The following HTRA1 variants were observed in gnomAD, a reference collection of about 807,000 sequenced individuals.
The protein encoded by HTRA1 is serine protease HTRA1.
HTRA1 carries 26 observed loss-of-function variants against 49.7 expected under a neutral mutation model. The observed-to-expected ratio is 0.52, with a 90% CI of 0.38 to 0.73. The LOEUF (loss-of-function observed/expected upper bound fraction) is 0.73, where lower values mean the gene tolerates loss of function less well. Among genes scored for constraint, HTRA1 ranks in the 30% least tolerant of loss-of-function variants. The pLI is 0.00. For missense variants in HTRA1, 561 were observed against 667.2 expected (o/e 0.84, Z 1.75); for synonymous variants, 291 against 286.9 (o/e 1.01, Z -0.14).
chr10:122,468,053 T>C (rs2097484476), intron 1 of HTRA1, among the ~76,000 whole-genome samples: 1 of 152,222 alleles, frequency 6.6e-6, no homozygotes, highest in South Asian at 2.1e-4. Flanking sequence ...CTAAATTCAT[T>C]CAGAGCATTT....
At chr10:122,485,350 T>G (rs1348476377) in intron 1 of HTRA1, among the ~76,000 whole-genome samples, 1 of 152,256 alleles carries the variant, frequency 6.6e-6, no homozygotes, top group African/African-American at 2.4e-5. Context: ...TCATATGGTC[T>G]GTGCTCCCAC....
intron 1 of HTRA1, among the ~76,000 whole-genome samples, chr10:122,481,682 G>A (rs2097491057): frequency 6.6e-6 from 1 of 152,304 alleles, no homozygotes; most frequent in African/African-American, 2.4e-5. Context: ...CGGTTTGGTT[G>A]TGTCCTCACC....
chr10:122,507,407 G>A lies in HTRA1; in HGVS notation c.1005+5G>A, dbSNP rs370433045. On this transcript the variant is annotated splice_donor_5th_base_variant and intron_variant, in intron 5 of 8. Coordinates refer to ENST00000368984, the MANE Select transcript of HTRA1 (RefSeq NM_002775.5). ...GGAGGCCCGTTAGTAAACCTGGTAAGGTCTTTTAAACCTATGTTAGGTCAT... is the reference window on the plus strand; with the variant it reads ...GGAGGCCCGTTAGTAAACCTGGTAAAGTCTTTTAAACCTATGTTAGGTCAT... 3.1e-6 allele frequency: 5 copies of A among 1,603,112 alleles called. No individual in the cohort carries two copies. The highest frequency in any genetic ancestry group is 4.3e-6 in the Non-Finnish European group (5 of 1,169,994).
intron 1 of HTRA1, among the ~76,000 whole-genome samples, chr10:122,485,738 G>A (rs547949489): frequency 6.6e-6 from 1 of 152,264 alleles, no homozygotes; most frequent in East Asian, 1.9e-4. Context: ...TTTTGCCCCT[G>A]GTGTGGGCAA....
chr10:122,510,147 C>T lies in HTRA1; in HGVS notation c.1172C>T (p.Thr391Met), dbSNP rs750990470. ...ATTGGTATCCGAATGATGTCACTCA[C>T]GTCCAGGTGGGTAAACAGGATGCGT... The part of the protein sequence containing the change: ...KYIGIRMMSL[T>M]SSKAKELKDR... Residue 391 changes from threonine (T) to methionine (M), a missense_variant, in exon 7 of 9, where the codon ACG becomes ATG. This residue lies in a region of HTRA1 where 179 missense variants were observed against 173.4 expected (regional missense o/e 1.03). Coordinates refer to ENST00000368984, the MANE Select transcript of HTRA1 (RefSeq NM_002775.5). 4.3e-6 allele frequency: 7 copies of T among 1,613,576 alleles called. No individual in the cohort carries two copies. The highest frequency in any genetic ancestry group is 3.3e-5 in the Admixed American group (2 of 60,034).
chr10:122,474,210 ACCGTCTAG>A (rs1487975522), intron 1 of HTRA1, among the ~76,000 whole-genome samples: 1 of 152,222 alleles, frequency 6.6e-6, no homozygotes, highest in East Asian at 1.9e-4. Flanking sequence ...GATGTCGGAA[ACCGTCTAG>A]CCTACCCCCT....
At chr10:122,472,554 C>G (rs2097486627) in intron 1 of HTRA1, among the ~76,000 whole-genome samples, 1 of 152,050 alleles carries the variant, frequency 6.6e-6, no homozygotes, top group Non-Finnish European at 1.5e-5. Flanking sequence ...CACCACCACA[C>G]CCAGCTACCT....
intron 1 of HTRA1, among the ~76,000 whole-genome samples, chr10:122,467,038 T>C (rs1397771157): frequency 6.6e-6 from 1 of 152,154 alleles, no homozygotes; most frequent in Non-Finnish European, 1.5e-5. Context: ...CTGCATTGAG[T>C]AAGTGATGGT....
In HTRA1 at chr10:122,506,448, GGT is replaced by G. The variant is rs934428390; in HGVS notation, c.778-233_778-232del. On this transcript the variant is annotated intron_variant, in intron 3 of 8. Transcript: ENST00000368984. The surrounding 1 kb of genome is among the most constrained non-coding windows in gnomAD (Gnocchi z 5.2). ...CCAGTTACCTCCCCACGGTTTCCTT[GGT>G]GTGTGTGTGGCTTCAGTGTTCACTG... Among the ~76,000 whole-genome samples, 2 of 152,020 alleles carry G rather than the reference GGT, an allele frequency of 1.3e-5. No individual in the cohort carries two copies. The highest frequency in any genetic ancestry group is 4.8e-5 in the African/African-American group (2 of 41,394).
chr10:122,464,197 G>A lies in HTRA1; in HGVS notation c.472+2073G>A, dbSNP rs1205602721. Among the ~76,000 whole-genome samples, 2 of 152,162 alleles carry A rather than the reference G, an allele frequency of 1.3e-5. No individual in the cohort carries two copies. The highest frequency in any genetic ancestry group is 2.4e-5 in the African/African-American group (1 of 41,438). ...TGGTCTCGCTGTTTGTGGTCTCATCGCACGGGGTCCTGAGTTGCTGGCACC... is the reference window on the plus strand; with the variant it reads ...TGGTCTCGCTGTTTGTGGTCTCATCACACGGGGTCCTGAGTTGCTGGCACC... On this transcript the variant is annotated intron_variant, in intron 1 of 8. Transcript: ENST00000368984. The surrounding 1 kb of genome is among the most constrained non-coding windows in gnomAD (Gnocchi z 4.8).
intron 3 of HTRA1, among the ~76,000 whole-genome samples, chr10:122,496,258 T>TTTTTTTTTTTG (rs1565427230): frequency 1.5e-5 from 2 of 132,576 alleles, no homozygotes; most frequent in African/African-American, 5.5e-5. Context: ...TTTTTTTTTT[T>TTTTTTTTTTTG]TGCAGAGATG....
In HTRA1 at chr10:122,461,932, G is replaced by T; in HGVS notation, c.280G>T (p.Gly94Trp). Residue 94 changes from glycine to tryptophan, a missense_variant, in exon 1 of 9, where the codon GGG (glycine) becomes TGG (tryptophan). Physicochemically the swap from Gly to Trp is radical, Grantham distance 184 (BLOSUM62 -2). Around this residue, in one of 3 missense-constraint regions of HTRA1, gnomAD observed 271 missense variants for 410.0 expected, o/e 0.66. Coordinates refer to ENST00000368984, the MANE Select transcript of HTRA1 (RefSeq NM_002775.5). ...GGGGCTGCAGTGCGTGGTGCCCTTC[G>T]GGGTGCCAGCCTCGGCCACGGTGCG... ...GEGLQCVVPF[G>W]VPASATVRRR... 1 of 1,481,896 alleles carries T rather than the reference G, an allele frequency of 6.7e-7. No homozygotes were observed. The highest frequency in any genetic ancestry group is 2.2e-5 in the Admixed American group (1 of 44,504). 91.8% of individuals were successfully genotyped at this position (1,481,896 alleles called of 1,614,324 possible).
At chr10:122,469,681 A>G (rs996681112) in intron 1 of HTRA1, among the ~76,000 whole-genome samples, 2 of 152,128 alleles carry the variant, frequency 1.3e-5, no homozygotes, top group Admixed American at 6.5e-5. Context: ...GAGGCAGGGC[A>G]TTATCCTTGC....
intron 1 of HTRA1, among the ~76,000 whole-genome samples, chr10:122,475,068 G>A (rs550492912): frequency 6.6e-6 from 1 of 152,300 alleles, no homozygotes; most frequent in South Asian, 2.1e-4. Flanking sequence ...CAGCCAGCTG[G>A]CCAGGTGCCC....
chr10:122,461,608 G>T lies in HTRA1; in HGVS notation c.-45G>T. 5 of 1,209,542 alleles carry T rather than the reference G, an allele frequency of 4.1e-6. No homozygotes were observed. Among genetic ancestry groups the T allele is most frequent in the South Asian group, 1.4e-5 (1 of 71,566 alleles). 74.9% of individuals were successfully genotyped at this position (1,209,542 alleles called of 1,614,324 possible). ...GCACTCTCCCCGGCGCCGCTCTCCG[G>T]CCCTCGCCCTGTCCGCCGCCACCGC... On this transcript the variant is annotated 5_prime_UTR_variant, in exon 1 of 9. Transcript: ENST00000368984.
intron 5 of HTRA1, among the ~76,000 whole-genome samples, 195 bp from the exon 6 acceptor site, chr10:122,508,461 C>T (rs1311742503): frequency 4.6e-5 from 7 of 152,268 alleles, no homozygotes; most frequent in Non-Finnish European, 7.3e-5. Flanking sequence ...GCGATTCTTC[C>T]ACAGCTGCGC....
rs1217381618 is a variant in HTRA1 at position 122,506,224 on chromosome 10, T to C, written c.778-467T>C. ...CAAATATTCCAGGCCTCAGGACGGA[T>C]GTGCACATGATGAGTCGGGGCAGGT... is the stretch of plus-strand genomic sequence containing the variant. On this transcript the variant is annotated intron_variant, in intron 3 of 8. Transcript: ENST00000368984. This position sits in a 1 kb window ranked among gnomAD's most constrained non-coding sequence, Gnocchi z 5.2. Among the ~76,000 whole-genome samples the C allele has an allele frequency of 1.3e-5, 2 of 151,034 alleles. No individual in the cohort carries two copies. The highest frequency in any genetic ancestry group is 4.9e-5 in the African/African-American group (2 of 41,054).
At chr10:122,509,648 T>C (rs1204199918) in intron 6 of HTRA1, among the ~76,000 whole-genome samples, 1 of 152,152 alleles carries the variant, frequency 6.6e-6, no homozygotes, top group East Asian at 1.9e-4. Flanking sequence ...ATGATCTGAT[T>C]GATGTCACTG....
chr10:122,490,896 A>C lies in HTRA1; in HGVS notation c.777+1270A>C, dbSNP rs1278058926. On this transcript the variant is annotated intron_variant, in intron 3 of 8. Coordinates refer to ENST00000368984, the MANE Select transcript of HTRA1 (RefSeq NM_002775.5). The surrounding 1 kb of genome is among the most constrained non-coding windows in gnomAD (Gnocchi z 4.2). ...AGTCTTCAGAAAACCACCAGCTAAC[A>C]CATTTACTACCCTCCTTCCCCGATG... is the stretch of plus-strand genomic sequence containing the variant. Among the ~76,000 whole-genome samples, 5 of 152,116 alleles carry C rather than the reference A, an allele frequency of 3.3e-5. No homozygotes were observed.
Sources: allele counts gnomAD v4.1 joint callset (sites outside exome capture counted in the v4.1 genomes callset), GRCh38; gene constraint gnomAD v4.1.1; regional missense constraint gnomAD v4.1.1; non-coding constraint Gnocchi (gnomAD v3.1); transcripts MANE v1.5; gene names NCBI Gene and HGNC (gene_info 2026-07-23, HGNC 2026-07-21).